Variants in SEPTIN7 observed in about 807,000 individuals in gnomAD.
The protein encoded by SEPTIN7 is septin 7.
Under a neutral mutation model 63.3 loss-of-function variants are expected in SEPTIN7, and 10 were observed. That is an observed-to-expected ratio of 0.16 (90% CI 0.10 to 0.27). The LOEUF is 0.27. Ranked by LOEUF, SEPTIN7 falls within the 10% of genes least tolerant of loss-of-function variation. The pLI, the probability that SEPTIN7 is intolerant of heterozygous loss-of-function variation, is 1.00. For missense variants in SEPTIN7, 310 were observed against 521.0 expected, an observed-to-expected ratio of 0.59 and a Z score of 3.94; for synonymous variants, 131 against 165.3, an observed-to-expected ratio of 0.79 and a Z score of 1.59.
chr7:35,873,613 G>T lies in SEPTIN7; in HGVS notation c.378-28G>T, dbSNP rs367808963. 1.4e-5 allele frequency: 23 copies of T among 1,592,776 alleles called. No homozygotes were observed. The African/African-American group carries it at 2.4e-4, about 17-fold the overall frequency. On this transcript the variant is annotated intron_variant, in intron 5 of 13. Transcript: ENST00000350320. The stretch of plus-strand genomic sequence containing the variant: ...CAGTTAATTCATATGTAGAATTGCA[G>T]CTTGTTTTGTTTATTTGCGTTCTAT...
chr7:35,840,018 A>G (rs941551237), intron 3 of SEPTIN7, among the ~76,000 whole-genome samples: 8 of 152,220 alleles, frequency 5.3e-5, no homozygotes, highest in East Asian at 1.9e-4. Flanking sequence ...TTCCTGAAGT[A>G]GGATTATTAG....
intron 3 of SEPTIN7, among the ~76,000 whole-genome samples, chr7:35,844,257 A>G (rs576845155): frequency 7.9e-5 from 12 of 152,356 alleles, no homozygotes; most frequent in African/African-American, 1.2e-4. Context: ...CCATGTAGTC[A>G]GGAGTTTTTA....
At position 35,844,202 on chromosome 7, in the gene SEPTIN7, T is replaced by C. The variant is rs568709230; in HGVS notation, c.169+11302T>C. On this transcript the variant is annotated intron_variant, in intron 3 of 13. Transcript: ENST00000350320. ...TTTCCAGGGAAATGCACACTACTAA[T>C]TACATTTAGTTGAATAAAGGTTATA... 2.6e-5 allele frequency among the ~76,000 whole-genome samples: 4 copies of C among 152,328 alleles called. No individual in the cohort carries two copies. The East Asian group carries it at 7.7e-4, about 29-fold the overall frequency.
chr7:35,804,029 C>T (rs559370600), intron 1 of SEPTIN7, among the ~76,000 whole-genome samples: 5 of 152,032 alleles, frequency 3.3e-5, no homozygotes, highest in African/African-American at 7.2e-5. Context: ...TCAAAATGTA[C>T]AGTATGGATG....
chr7:35,820,535 C>T (rs1392717548), intron 1 of SEPTIN7, among the ~76,000 whole-genome samples: 1 of 151,926 alleles, frequency 6.6e-6, no homozygotes, highest in African/African-American at 2.4e-5. Flanking sequence ...CTAGTGAATA[C>T]TTTTATTTAT....
At chr7:35,865,815 T>C (rs1324597534) in intron 4 of SEPTIN7, among the ~76,000 whole-genome samples, 2 of 152,218 alleles carry the variant, frequency 1.3e-5, no homozygotes, top group East Asian at 3.8e-4. Context: ...AGACATTTTC[T>C]CCCCAGGCAA....
At chr7:35,838,144 A>G (rs1302598608) in intron 3 of SEPTIN7, among the ~76,000 whole-genome samples, 2 of 151,542 alleles carry the variant, frequency 1.3e-5, no homozygotes, top group Non-Finnish European at 3.0e-5. Context: ...TGAGGGCATT[A>G]TTATTATTTT....
Position 35,906,718 on chromosome 7 carries a change from G to C in SEPTIN7, c.*2425G>C, listed in dbSNP as rs1788622076. 6.6e-6 allele frequency: 1 copy of C among 152,234 alleles called. No homozygotes were observed. Among genetic ancestry groups the C allele is most frequent in the African/African-American group, 2.4e-5 (1 of 41,470 alleles). The allele number at this position is 152,234 out of a possible 1,614,324, so 9.4% of individuals were successfully genotyped here. A position where few individuals can be genotyped will look rare whatever the true frequency, so the allele number is the denominator to read the frequency against. On this transcript the variant is annotated 3_prime_UTR_variant, in exon 14 of 14. Transcript: ENST00000350320. ...AGTTTATTTCTGTGTAGCTCAGGCT[G>C]TAATCTTGAAAGCTGAGGAGATACC...
intron 11 of SEPTIN7, 78 bp downstream of exon 11, chr7:35,890,871 C>T: frequency 1.6e-6 from 2 of 1,219,520 alleles, no homozygotes; most frequent in Non-Finnish European, 2.1e-6. Flanking sequence ...CATTAAATTT[C>T]TTCTGGCTAC....
At chr7:35,801,895 C>T (rs1000098443) in intron 1 of SEPTIN7, among the ~76,000 whole-genome samples, 13 of 152,128 alleles carry the variant, frequency 8.5e-5, no homozygotes, top group African/African-American at 2.4e-4. Context: ...CCCGCTCCTC[C>T]TCCCGCCTCT....
chr7:35,829,526 A>G (rs552771817), intron 1 of SEPTIN7, among the ~76,000 whole-genome samples: 2 of 152,160 alleles, frequency 1.3e-5, no homozygotes, highest in African/African-American at 2.4e-5. Flanking sequence ...GTTGCTAAGG[A>G]TAAAGCAGTG....
At chr7:35,866,673 T>A (rs767345651) in intron 4 of SEPTIN7, among the ~76,000 whole-genome samples, 2 of 152,230 alleles carry the variant, frequency 1.3e-5, no homozygotes, top group Non-Finnish European at 2.9e-5. Context: ...AGCTGATTTT[T>A]AGCCTCCTGT....
intron 6 of SEPTIN7, 47 bp downstream of exon 6, chr7:35,873,822 C>T: frequency 1.3e-6 from 2 of 1,574,106 alleles, no homozygotes; most frequent in Non-Finnish European, 1.7e-6. Flanking sequence ...TTGTTGCTTA[C>T]TGTTACCTTT....
chr7:35,902,825 C>G (rs1788401293), intron 12 of SEPTIN7: 1 of 377,142 alleles, frequency 2.7e-6, no homozygotes, highest in East Asian at 4.6e-5. Context: ...GTACTCCACA[C>G]TGTTAAGTTT....
At chr7:35,838,848 C>T (rs1406868612) in intron 3 of SEPTIN7, among the ~76,000 whole-genome samples, 28 of 152,170 alleles carry the variant, frequency 1.8e-4, no homozygotes, top group Non-Finnish European at 2.9e-5. Flanking sequence ...AGGCAGGAAT[C>T]TGATGTTTAT....
At chr7:35,878,074 A>G (rs1786583062) in intron 6 of SEPTIN7, among the ~76,000 whole-genome samples, 1 of 152,168 alleles carries the variant, frequency 6.6e-6, no homozygotes, top group Non-Finnish European at 1.5e-5. Context: ...CTTGCACACT[A>G]TCAGAAAGTT....
At chr7:35,858,492 A>T (rs530296902) in intron 3 of SEPTIN7, among the ~76,000 whole-genome samples, 2 of 151,778 alleles carry the variant, frequency 1.3e-5, no homozygotes, top group South Asian at 4.2e-4. Context: ...AGTAGCTGGG[A>T]TTACAGGCAT....
At chr7:35,852,134 C>T (rs184909625) in intron 3 of SEPTIN7, among the ~76,000 whole-genome samples, 12 of 152,220 alleles carry the variant, frequency 7.9e-5, no homozygotes, top group Non-Finnish European at 1.6e-4. Context: ...TACTGATATT[C>T]AGGTGTCCAC....
chr7:35,849,599 T>G (rs1459833799), intron 3 of SEPTIN7, among the ~76,000 whole-genome samples: 1 of 152,166 alleles, frequency 6.6e-6, no homozygotes, highest in East Asian at 1.9e-4. Context: ...CAGATTAAGT[T>G]TATTAAAAAG....
Sources: allele counts gnomAD v4.1 joint callset (sites outside exome capture counted in the v4.1 genomes callset), GRCh38; gene constraint gnomAD v4.1.1; transcripts MANE v1.5; gene names NCBI Gene and HGNC (gene_info 2026-07-23, HGNC 2026-07-21).